Variants in RBM46 observed in about 807,000 individuals in gnomAD.
RBM46 encodes the protein RNA binding motif protein 46.
Under a neutral mutation model 43.3 loss-of-function variants are expected in RBM46, and 12 were observed. The ratio of observed to expected loss-of-function variants is 0.28; its 90% CI spans 0.18 to 0.45. RBM46 has a LOEUF of 0.45. Among genes scored for constraint, RBM46 ranks in the 20% least tolerant of loss-of-function variants. The probability of loss-of-function intolerance (pLI) is 1.00; values close to 1 mark genes in which losing one functional copy is unlikely to be tolerated. For synonymous variants in RBM46, 205 were observed against 207.6 expected (o/e 0.99, Z 0.11); for missense variants, 412 against 639.1 (o/e 0.64, Z 3.83).
chr4:154,822,629 G>A (rs1355145240), intron 4 of RBM46, among the ~76,000 whole-genome samples: 1 of 151,232 alleles, frequency 6.6e-6, no homozygotes, highest in Non-Finnish European at 1.5e-5. Context: ...AAGTTATTGA[G>A]ATAGTTAGTT....
chr4:154,790,510 G>A (rs553653726), intron 1 of RBM46: 32 of 152,244 alleles, frequency 2.1e-4, no homozygotes, highest in Non-Finnish European at 4.4e-4. Flanking sequence ...TTTAAAAAAA[G>A]CAAAATGAGT....
Position 154,789,101 on chromosome 4 carries a change from T to C in RBM46, c.-11-7641T>C, listed in dbSNP as rs539428134. Among the ~76,000 whole-genome samples the C allele has an allele frequency of 3.3e-5, 5 of 152,334 alleles. No individual in the cohort carries two copies. The South Asian group carries it at 8.3e-4, about 25-fold the overall frequency. On this transcript the variant is annotated intron_variant, in intron 1 of 4. Transcript: ENST00000281722. The stretch of plus-strand genomic sequence containing the variant: ...CTGAGACAATGGGGTTTTACAAATA[T>C]ACAATCATGTCATCTGCAAACAGGG...
chr4:154,819,234 A>G (rs888684949), intron 4 of RBM46, among the ~76,000 whole-genome samples: 4 of 152,234 alleles, frequency 2.6e-5, no homozygotes, highest in African/African-American at 9.6e-5. Flanking sequence ...GATTGCTTTA[A>G]TCTAGGCAGG....
At chr4:154,796,924 T>C (rs1201878628) in intron 2 of RBM46, 21 bp downstream of exon 2, 9 of 1,601,614 alleles carry the variant, frequency 5.6e-6, no homozygotes, top group Non-Finnish European at 6.8e-6. Context: ...GTTTACAGTC[T>C]TTTAAATTTA....
At chr4:154,822,579 G>GT (rs928200480) in intron 4 of RBM46, among the ~76,000 whole-genome samples, 12 of 149,832 alleles carry the variant, frequency 8.0e-5, no homozygotes, top group African/African-American at 2.0e-4. Flanking sequence ...AAAAAAAAAA[G>GT]TTTTTTTTTG....
rs929260423 is a variant in RBM46, at chr4:154,814,837, C to T, written c.1403-13031C>T. On this transcript the variant is annotated intron_variant, in intron 4 of 4. Transcript: ENST00000281722. ...TATCACTGGCAGGTTTTTATCCCCT[C>T]CCCCCCTTTTTTTTAAAACTCCTTA... is the stretch of plus-strand genomic sequence containing the variant. 2.0e-5 allele frequency among the ~76,000 whole-genome samples: 3 copies of T among 150,058 alleles called. No individual in the cohort carries two copies. In the East Asian group the frequency reaches 5.8e-4, roughly 29 times the overall value.
At chr4:154,798,710 C>T in intron 3 of RBM46, 72 bp from the exon 4 acceptor site, 4 of 1,170,026 alleles carry the variant, frequency 3.4e-6, no homozygotes, top group Non-Finnish European at 4.5e-6. Context: ...TCTGGGGAAA[C>T]AGTTTTACTG....
chr4:154,796,665 T>G, intron 1 of RBM46, 77 bp from the exon 2 acceptor site: 1 of 1,009,102 alleles, frequency 9.9e-7, no homozygotes, highest in Non-Finnish European at 1.4e-6. Flanking sequence ...TTTGTTTTTC[T>G]GCAACCCAAA....
intron 1 of RBM46, among the ~76,000 whole-genome samples, chr4:154,794,436 TC>T (rs1427025551): frequency 2.6e-5 from 4 of 152,078 alleles, no homozygotes; most frequent in Non-Finnish European, 5.9e-5. Flanking sequence ...TGCCTCGGCC[TC>T]CCAAAGTGCT....
intron 4 of RBM46, among the ~76,000 whole-genome samples, chr4:154,826,391 G>A (rs2111226375): frequency 6.6e-6 from 1 of 152,214 alleles, no homozygotes; most frequent in East Asian, 1.9e-4. Flanking sequence ...CCAGGAGGTG[G>A]AGGTTGCAGT....
At chr4:154,806,927 T>C (rs1251595843) in intron 4 of RBM46, among the ~76,000 whole-genome samples, 3 of 151,806 alleles carry the variant, frequency 2.0e-5, no homozygotes, top group African/African-American at 7.2e-5. Context: ...GTGATCCTTA[T>C]TATTTTATTT....
intron 1 of RBM46, among the ~76,000 whole-genome samples, chr4:154,793,895 A>G (rs1252293981): frequency 1.3e-5 from 2 of 152,112 alleles, no homozygotes; most frequent in East Asian, 3.9e-4. Context: ...AGAGCCTTGT[A>G]AAAGCATTTG....
chr4:154,797,805 G>C lies in RBM46; in HGVS notation c.152-6G>C. 6.7e-7 allele frequency: 1 copy of C among 1,497,914 alleles called. No homozygotes were observed. Among genetic ancestry groups the C allele is most frequent in the Non-Finnish European group, 8.9e-7 (1 of 1,120,398 alleles). 92.8% of individuals were successfully genotyped at this position (1,497,914 alleles called of 1,614,324 possible). A position where few individuals can be genotyped will look rare whatever the true frequency, so the allele number is the denominator to read the frequency against. ...ATTTATGTGTCTTTTCATTTTTGTC[G>C]TTCAGGTTGGGAAGGTCCACCTCCA... On this transcript the variant is annotated splice_polypyrimidine_tract_variant and splice_region_variant and intron_variant, in intron 2 of 4. Coordinates refer to ENST00000281722, the MANE Select transcript of RBM46 (RefSeq NM_144979.5).
chr4:154,794,082 C>T (rs539662338), intron 1 of RBM46, among the ~76,000 whole-genome samples: 1 of 151,748 alleles, frequency 6.6e-6, no homozygotes, highest in African/African-American at 2.4e-5. Context: ...GGATGTACTT[C>T]AAAATATATC....
intron 1 of RBM46, among the ~76,000 whole-genome samples, chr4:154,796,511 C>G (rs1433698190): frequency 6.6e-6 from 1 of 151,940 alleles, no homozygotes; most frequent in African/African-American, 2.4e-5. Context: ...GTGTCCCTTT[C>G]TTATAGCTTA....
At chr4:154,813,543 G>A (rs1227689118) in intron 4 of RBM46, among the ~76,000 whole-genome samples, 4 of 152,000 alleles carry the variant, frequency 2.6e-5, no homozygotes, top group Admixed American at 2.0e-4. Flanking sequence ...AATGATTTAT[G>A]TGCAATTTTT....
chr4:154,804,462 G>A (rs921079233), intron 4 of RBM46, among the ~76,000 whole-genome samples: 4 of 152,118 alleles, frequency 2.6e-5, no homozygotes, highest in Admixed American at 1.3e-4. Flanking sequence ...CTTTTCTTTG[G>A]AGGATTCTTT....
chr4:154,797,305 G>A (rs544705098), intron 2 of RBM46, among the ~76,000 whole-genome samples: 6 of 152,276 alleles, frequency 3.9e-5, no homozygotes, highest in African/African-American at 9.6e-5. Flanking sequence ...TCTACCAATA[G>A]TCAGTACAAT....
At chr4:154,805,916 T>G (rs1349486591) in intron 4 of RBM46, among the ~76,000 whole-genome samples, 2 of 151,924 alleles carry the variant, frequency 1.3e-5, no homozygotes, top group Non-Finnish European at 2.9e-5. Context: ...CAGCTCTAAC[T>G]TGGATGATAC....
Sources: gnomAD v4.1 joint callset for allele counts (sites outside exome capture counted in the v4.1 genomes callset) on GRCh38, gnomAD v4.1.1 for gene constraint, MANE v1.5 for transcripts, NCBI Gene and HGNC (gene_info 2026-07-23, HGNC 2026-07-21) for gene names.